Variants in MTMR12 observed in about 807,000 individuals in gnomAD.
MTMR12 encodes myotubularin related protein 12.
Under a neutral mutation model 96.7 loss-of-function variants are expected in MTMR12, and 33 were observed. The ratio of observed to expected loss-of-function variants is 0.34; its 90% CI spans 0.26 to 0.46. MTMR12 has a LOEUF of 0.46. Ranked by LOEUF, MTMR12 falls within the 20% of genes least tolerant of loss-of-function variation. The probability of loss-of-function intolerance (pLI) is 1.00; values close to 1 mark genes in which losing one functional copy is unlikely to be tolerated. For missense variants in MTMR12, 721 were observed against 896.1 expected (o/e 0.80, Z 2.49); for synonymous variants, 298 against 327.2 (o/e 0.91, Z 0.96).
chr5:32,283,974 T>C (rs1255947473), intron 1 of MTMR12, among the ~76,000 whole-genome samples: 3 of 152,156 alleles, frequency 2.0e-5, no homozygotes, highest in South Asian at 2.1e-4. Flanking sequence ...AACACTGGTA[T>C]GTATGCCTGA....
intron 1 of MTMR12, among the ~76,000 whole-genome samples, chr5:32,302,844 T>C (rs1278364186): frequency 2.0e-5 from 3 of 152,152 alleles, no homozygotes; most frequent in Non-Finnish European, 4.4e-5. Context: ...TCTCATTACA[T>C]TGGAATTTTA....
chr5:32,301,616 C>T (rs1010208668), intron 1 of MTMR12, among the ~76,000 whole-genome samples: 6 of 152,218 alleles, frequency 3.9e-5, no homozygotes, highest in African/African-American at 9.6e-5. Context: ...AAAGGCTGGG[C>T]GCAGTGGCTC....
intron 1 of MTMR12, among the ~76,000 whole-genome samples, chr5:32,290,941 C>CA (rs1750717465): frequency 6.6e-6 from 1 of 152,222 alleles, no homozygotes; most frequent in African/African-American, 2.4e-5. Flanking sequence ...AACTGCCCAT[C>CA]ATGAATTGGG....
intron 13 of MTMR12, 81 bp downstream of exon 13, chr5:32,238,917 CCTA>C: frequency 7.4e-7 from 1 of 1,351,088 alleles, no homozygotes. Flanking sequence ...AAGCAGCAAT[CCTA>C]CTACATCTGA....
chr5:32,271,104 A>G (rs1003951359), intron 4 of MTMR12, among the ~76,000 whole-genome samples, 157 bp from the exon 5 acceptor site: 1 of 152,340 alleles, frequency 6.6e-6, no homozygotes, highest in East Asian at 1.9e-4. Context: ...AGGAAGCCCA[A>G]TCTCTTCCAG....
chr5:32,288,579 A>G (rs966625426), intron 1 of MTMR12, among the ~76,000 whole-genome samples: 4 of 152,206 alleles, frequency 2.6e-5, no homozygotes, highest in African/African-American at 9.6e-5. Flanking sequence ...ATAAACAGAA[A>G]TCTGGAGAAT....
rs144215003 is a variant in MTMR12, at chr5:32,308,311, G to C, written c.81+4447C>G. ...CACTCCAGCCTGGGTGACAGAACGA[G>C]GCTCCATCTCAAAAAAAAAAAGAAA... On this transcript the variant is annotated intron_variant, in intron 1 of 15. Transcript: ENST00000382142. 1.0e-2 allele frequency among the ~76,000 whole-genome samples: 1,518 copies of C among 151,928 alleles called. 21 individuals carry two copies. The highest frequency in any genetic ancestry group is 0.035 in the African/African-American group (1,448 of 41,416).
At chr5:32,236,693 CG>C (rs1561740334) in intron 13 of MTMR12, among the ~76,000 whole-genome samples, 1 of 151,470 alleles carries the variant, frequency 6.6e-6, no homozygotes, top group South Asian at 2.1e-4. Context: ...CAAAATTAGC[CG>C]GGAATGGAGG....
intron 1 of MTMR12, among the ~76,000 whole-genome samples, chr5:32,283,845 C>A (rs988260812): frequency 6.6e-6 from 1 of 152,212 alleles, no homozygotes; most frequent in Non-Finnish European, 1.5e-5. Context: ...TCAACACCTA[C>A]TGAAAGTGTT....
intron 8 of MTMR12, among the ~76,000 whole-genome samples, chr5:32,250,764 T>C (rs1032249993): frequency 6.6e-5 from 10 of 152,318 alleles, no homozygotes; most frequent in Non-Finnish European, 1.3e-4. Flanking sequence ...GGGGCACATG[T>C]AATAACTCCT....
At chr5:32,257,684 G>A (rs529691394) in intron 7 of MTMR12, among the ~76,000 whole-genome samples, 5 of 152,144 alleles carry the variant, frequency 3.3e-5, no homozygotes, top group South Asian at 2.1e-4. Context: ...CAGAGGAATC[G>A]CTGAACCTGT....
rs1389744230 is a variant in MTMR12 at position 32,238,984 on chromosome 5, G to A, written c.1344+17C>T. On this transcript the variant is annotated intron_variant, in intron 13 of 15. Transcript: ENST00000382142. ...GTTCTCCCTATGACGGAAACAGTCT[G>A]CAGTGAGGGAACTCACCTCCTCTTT... is the stretch of plus-strand genomic sequence containing the variant. The A allele has an allele frequency of 1.3e-6, 2 of 1,570,884 alleles. No individual in the cohort carries two copies. Among genetic ancestry groups the A allele is most frequent in the Non-Finnish European group, 1.7e-6 (2 of 1,153,322 alleles).
Position 32,271,885 on chromosome 5 carries a change from C to A in MTMR12, c.306G>T (p.Lys102Asn). ...LDNDETQFKN[K>N]VIGENDITLH... ...GTGTAATGTCATTTTCTCCTATAACCTTATTCTTAAATTGAGTTTCCTAGA... is the reference window on the plus strand; with the variant it reads ...GTGTAATGTCATTTTCTCCTATAACATTATTCTTAAATTGAGTTTCCTAGA... The change falls in exon 4 of 16, where the codon AAG becomes AAT. Residue 102 changes from lysine to asparagine, a missense_variant. Physicochemically the swap from Lys to Asn is moderately conservative, Grantham distance 94 (BLOSUM62 0). Transcript: ENST00000382142. The A allele has an allele frequency of 6.4e-7, 1 of 1,569,596 alleles. No individual in the cohort carries two copies. The highest frequency in any genetic ancestry group is 8.7e-7 in the Non-Finnish European group (1 of 1,149,280).
At chr5:32,232,879 G>T in intron 15 of MTMR12, 4 of 839,444 alleles carry the variant, frequency 4.8e-6, no homozygotes, top group Non-Finnish European at 5.7e-6. Flanking sequence ...ACCAGAAAGG[G>T]CCAGGCTTTC....
In MTMR12 at chr5:32,242,119, A is replaced by C. The variant is rs1422347727; in HGVS notation, c.1109T>G (p.Leu370Arg). The C allele has an allele frequency of 6.2e-7, 1 of 1,612,062 alleles. No individual in the cohort carries two copies. Among genetic ancestry groups the C allele is most frequent in the Non-Finnish European group, 8.5e-7 (1 of 1,178,648 alleles). The change falls in exon 12 of 16, where the codon CTG becomes CGG. Residue 370 changes from leucine (L) to arginine (R), a missense_variant. Transcript: ENST00000382142. ...TTCTGTAATCTCTATTGCTTTTTTC[A>C]GGCAACGTCTGAATAGGAAAGAGAC... ...SSWLDIIRRC[L>R]KKAIEITECM... is the part of the protein sequence containing the mutation.
rs1419824630 is a variant in MTMR12 at position 32,228,543 on chromosome 5, A to G, written c.*1235T>C. ...TATATATCATATATATGATATATAT[A>G]TCATATATATGTGATATATATATAT... On this transcript the variant is annotated 3_prime_UTR_variant, in exon 16 of 16. Transcript: ENST00000382142. The G allele has an allele frequency of 7.1e-6, 1 of 141,208 alleles. No homozygotes were observed. The highest frequency in any genetic ancestry group is 1.5e-5 in the Non-Finnish European group (1 of 66,078). The allele number at this position is 141,208 out of a possible 1,614,324, so 8.7% of individuals were successfully genotyped here. A position where few individuals can be genotyped will look rare whatever the true frequency, so the allele number is the denominator to read the frequency against.
chr5:32,288,847 G>T (rs1750642132), intron 1 of MTMR12, among the ~76,000 whole-genome samples: 1 of 152,196 alleles, frequency 6.6e-6, no homozygotes, highest in South Asian at 2.1e-4. Context: ...AAGGCTTAGG[G>T]AGATTGGGAT....
chr5:32,312,688 G>A lies in MTMR12; in HGVS notation c.81+70C>T, dbSNP rs550464908. ...GCTCCGCGGCGCTCCCCGCTGCAAG[G>A]AAGGGGCTCCCGGCGCCCCTCGCCC... On this transcript the variant is annotated intron_variant, in intron 1 of 15. Transcript: ENST00000382142. This position sits in a 1 kb window ranked among gnomAD's most constrained non-coding sequence, Gnocchi z 5.0. The A allele has an allele frequency of 1.7e-4, 214 of 1,284,052 alleles. No homozygotes were observed. The highest frequency in any genetic ancestry group is 7.8e-4 in the South Asian group (42 of 53,900). The allele number at this position is 1,284,052 out of a possible 1,614,324, so 79.5% of individuals were successfully genotyped here.
At position 32,248,784 on chromosome 5, in the gene MTMR12, C is replaced by T. The variant is rs779702456; in HGVS notation, c.884G>A (p.Ser295Asn). 1 of 1,613,860 alleles carries T rather than the reference C, an allele frequency of 6.2e-7. No individual in the cohort carries two copies. The highest frequency in any genetic ancestry group is 2.2e-5 in the East Asian group (1 of 44,882). ...QDDGILQIQK[S>N]FLDGIYKTIH... ...AACTAGTACTGACCCATCTAAGAAGCTCTTTTGGATTTGTAAAATGCCGTC... is the reference window on the plus strand; with the variant it reads ...AACTAGTACTGACCCATCTAAGAAGTTCTTTTGGATTTGTAAAATGCCGTC... Residue 295 changes from serine to asparagine, a missense_variant, in exon 9 of 16, where the codon AGC becomes AAC. Transcript: ENST00000382142.
Sources: gnomAD v4.1 joint callset for allele counts (sites outside exome capture counted in the v4.1 genomes callset) on GRCh38, gnomAD v4.1.1 for gene constraint, Gnocchi (gnomAD v3.1) non-coding constraint, MANE v1.5 for transcripts, NCBI Gene and HGNC (gene_info 2026-07-23, HGNC 2026-07-21) for gene names.